The following RETREG1 variants were observed in gnomAD, a reference collection of about 807,000 sequenced individuals.
The protein encoded by RETREG1 is reticulophagy regulator 1, also known as family with sequence similarity 134 member B.
In RETREG1, 44 loss-of-function variants were observed where a neutral mutation model predicts 54.8. The observed-to-expected ratio is 0.80, with a 90% CI of 0.63 to 1.03. The LOEUF (loss-of-function observed/expected upper bound fraction) is 1.03. Ranked by LOEUF, RETREG1 falls within the 50% of genes least tolerant of loss-of-function variation. The pLI, the probability that RETREG1 is intolerant of heterozygous loss-of-function variation, is 0.00. For synonymous variants in RETREG1, 217 were observed against 238.5 expected (o/e 0.91, Z 0.83); for missense variants, 554 against 605.1 (o/e 0.92, Z 0.89).
chr5:16,474,997 G>A lies in RETREG1; in HGVS notation c.1238C>T (p.Ala413Val), dbSNP rs1477461691. The change falls in exon 9 of 9, where the codon GCT (alanine) becomes GTT (valine). Residue 413 changes from alanine (A) to valine (V), a missense_variant. Transcript: ENST00000306320. ...DQTFHLMSNL[A>V]GDVITAAVTA... Reference sequence around the variant, plus strand: ...CACTGCAGCTGTGATAACATCCCCAGCCAGGTTGCTCATCAGGTGAAAGGT... The same window carrying A: ...CACTGCAGCTGTGATAACATCCCCAACCAGGTTGCTCATCAGGTGAAAGGT... 1 of 1,613,734 alleles carries A rather than the reference G, an allele frequency of 6.2e-7. No individual in the cohort carries two copies.
At chr5:16,592,346 A>G (rs1178796988) in intron 1 of RETREG1, among the ~76,000 whole-genome samples, 1 of 152,212 alleles carries the variant, frequency 6.6e-6, no homozygotes, top group South Asian at 2.1e-4. Flanking sequence ...CAAAACCACC[A>G]TGAGATATCA....
chr5:16,554,787 T>A (rs555655938), intron 3 of RETREG1, among the ~76,000 whole-genome samples: 1 of 152,196 alleles, frequency 6.6e-6, no homozygotes, highest in Non-Finnish European at 1.5e-5. Context: ...CTGATCCCAG[T>A]CACTATGGCT....
chr5:16,531,342 C>G (rs191942515), intron 3 of RETREG1, among the ~76,000 whole-genome samples: 5 of 152,294 alleles, frequency 3.3e-5, no homozygotes, highest in East Asian at 3.9e-4. Flanking sequence ...CTAGACTCAT[C>G]ATAGATGCTT....
intron 2 of RETREG1, among the ~76,000 whole-genome samples, chr5:16,570,067 T>C (rs750317548): frequency 6.6e-6 from 1 of 152,214 alleles, no homozygotes; most frequent in Non-Finnish European, 1.5e-5. Context: ...TTCAGAACTT[T>C]AAGAGAAGAT....
chr5:16,592,746 A>G (rs1255180740), intron 1 of RETREG1, among the ~76,000 whole-genome samples: 2 of 152,178 alleles, frequency 1.3e-5, no homozygotes, highest in Non-Finnish European at 2.9e-5. Context: ...CGGTATGGGA[A>G]CATGGATGGA....
intron 3 of RETREG1, among the ~76,000 whole-genome samples, chr5:16,488,853 G>C (rs534810699): frequency 6.6e-6 from 1 of 152,010 alleles, no homozygotes; most frequent in Non-Finnish European, 1.5e-5. Context: ...GGGAGGCCGA[G>C]GTGGGCAGAT....
chr5:16,496,151 C>T (rs1739447948), intron 3 of RETREG1, among the ~76,000 whole-genome samples: 1 of 152,160 alleles, frequency 6.6e-6, no homozygotes, highest in Non-Finnish European at 1.5e-5. Flanking sequence ...TAGCAACTTA[C>T]TCTTACTCTC....
At chr5:16,507,776 G>C (rs1464811987) in intron 3 of RETREG1, among the ~76,000 whole-genome samples, 1 of 152,176 alleles carries the variant, frequency 6.6e-6, no homozygotes, top group Admixed American at 6.5e-5. Flanking sequence ...TGTTCCTAGA[G>C]AGTTACCAGT....
At chr5:16,513,670 T>C (rs192282208) in intron 3 of RETREG1, among the ~76,000 whole-genome samples, 1 of 152,358 alleles carries the variant, frequency 6.6e-6, no homozygotes, top group African/African-American at 2.4e-5. Context: ...AATATCTCCA[T>C]GGTGGGCATT....
chr5:16,507,510 A>G (rs551450330), intron 3 of RETREG1, among the ~76,000 whole-genome samples: 28 of 152,320 alleles, frequency 1.8e-4, no homozygotes, highest in African/African-American at 6.3e-4. Flanking sequence ...TGTAAATGTC[A>G]TCTTCAAGTA....
At chr5:16,591,793 T>C (rs1333019973) in intron 1 of RETREG1, among the ~76,000 whole-genome samples, 5 of 152,294 alleles carry the variant, frequency 3.3e-5, no homozygotes, top group East Asian at 1.9e-4. Context: ...TCCAGCGCCA[T>C]ATTTACTCTC....
chr5:16,485,327 G>C (rs1453780689), intron 3 of RETREG1, among the ~76,000 whole-genome samples: 1 of 152,034 alleles, frequency 6.6e-6, no homozygotes, highest in African/African-American at 2.4e-5. Context: ...TCAATGAAAA[G>C]CTATAATGGA....
At chr5:16,545,508 G>A (rs770628418) in intron 3 of RETREG1, among the ~76,000 whole-genome samples, 1 of 151,998 alleles carries the variant, frequency 6.6e-6, no homozygotes, top group Non-Finnish European at 1.5e-5. Context: ...TAGGTAATAC[G>A]CAGAAAGCAT....
At chr5:16,554,850 C>T (rs538053745) in intron 3 of RETREG1, among the ~76,000 whole-genome samples, 47 of 152,192 alleles carry the variant, frequency 3.1e-4, no homozygotes, top group Non-Finnish European at 1.2e-4. Context: ...ACACAATGGT[C>T]ACCCTCACAC....
At chr5:16,616,381 A>C in intron 1 of RETREG1, 1 of 483,846 alleles carries the variant, frequency 2.1e-6, no homozygotes. Flanking sequence ...GAACACCTGT[A>C]GGTGCAGGTG....
At chr5:16,530,745 C>T (rs1416343819) in intron 3 of RETREG1, among the ~76,000 whole-genome samples, 1 of 152,032 alleles carries the variant, frequency 6.6e-6, no homozygotes, top group Non-Finnish European at 1.5e-5. Context: ...TGGAGGCGTG[C>T]ACTTGTAATC....
intron 2 of RETREG1, among the ~76,000 whole-genome samples, chr5:16,569,081 G>A (rs1742101612): frequency 6.6e-6 from 1 of 152,088 alleles, no homozygotes; most frequent in African/African-American, 2.4e-5. Context: ...AAGCCAAACT[G>A]TGCCCTGCAG....
chr5:16,596,289 G>C (rs1375143102), intron 1 of RETREG1, among the ~76,000 whole-genome samples: 1 of 152,198 alleles, frequency 6.6e-6, no homozygotes, highest in East Asian at 1.9e-4. Flanking sequence ...AAACAGACTA[G>C]TGCCTTCAAA....
chr5:16,578,023 T>C (rs1742381594), intron 1 of RETREG1, among the ~76,000 whole-genome samples: 1 of 152,200 alleles, frequency 6.6e-6, no homozygotes, highest in Admixed American at 6.5e-5. Context: ...TTCCTTTTTT[T>C]CCTGTTATTA....
Sources: gnomAD v4.1 joint callset for allele counts (sites outside exome capture counted in the v4.1 genomes callset) on GRCh38, gnomAD v4.1.1 for gene constraint, MANE v1.5 for transcripts, NCBI Gene and HGNC (gene_info 2026-07-23, HGNC 2026-07-21) for gene names.